Variants in EXD3 observed in about 807,000 individuals in gnomAD.
EXD3 encodes exonuclease 3'-5' domain containing 3.
In EXD3, 92 loss-of-function variants were observed where a neutral mutation model predicts 98.0. The ratio of observed to expected loss-of-function variants is 0.94; its 90% CI spans 0.79 to 1.12. EXD3 has a LOEUF of 1.12. Among genes scored for constraint, EXD3 ranks in the 50% most tolerant of loss-of-function variants. The pLI, the probability that EXD3 is intolerant of heterozygous loss-of-function variation, is 0.00. For synonymous variants in EXD3, 569 were observed against 526.0 expected, an observed-to-expected ratio of 1.08 and a Z score of -1.12; for missense variants, 1,222 against 1,191.6, an observed-to-expected ratio of 1.03 and a Z score of -0.38.
chr9:137,355,698 G>GATGGAGGAAGGAGA (rs1834724454), intron 8 of EXD3, among the ~76,000 whole-genome samples: 1 of 76,930 alleles, frequency 1.3e-5, no homozygotes, highest in African/African-American at 4.4e-5. Flanking sequence ...AGAAAGGGAG[G>GATGGAGGAAGGAGA]AAGGAGGAAG....
rs1835196576 is a variant in EXD3 at position 137,365,667 on chromosome 9, CACACACATGCACAG to C, written c.656+812_656+825del. On this transcript the variant is annotated intron_variant, in intron 7 of 21. Coordinates refer to ENST00000340951, the MANE Select transcript of EXD3 (RefSeq NM_017820.5). ...CACATACATGTACACACACCACACG[CACACACATGCACAG>C]GCACACATGCACACACGTACACACC... 1.2e-5 allele frequency: 3 copies of C among 245,538 alleles called. No individual in the cohort carries two copies. The South Asian group carries it at 1.4e-4, about 12-fold the overall frequency. The allele number at this position is 245,538 out of a possible 1,614,324, so 15.2% of individuals were successfully genotyped here. A position where few individuals can be genotyped will look rare whatever the true frequency, so the allele number is the denominator to read the frequency against.
At chr9:137,411,935 C>CA in intron 1 of EXD3, among the ~76,000 whole-genome samples, 1 of 152,318 alleles carries the variant, frequency 6.6e-6, no homozygotes, top group African/African-American at 2.4e-5. Flanking sequence ...GTGGGCCCTC[C>CA]AGGTGGGCCT....
rs181352953 is a variant in EXD3, at chr9:137,332,518, C to T, written c.1999-8375G>A. ...AGGGGAATCCCTTCAACCTGGGAGG[C>T]GGAGGTTCCAGTGAGCCGAGATTGT... On this transcript the variant is annotated intron_variant, in intron 17 of 21. Transcript: ENST00000340951. Among the ~76,000 whole-genome samples the T allele has an allele frequency of 3.3e-3, 492 of 147,898 alleles. 6 individuals are homozygous for T. Among genetic ancestry groups the T allele is most frequent in the Admixed American group, 7.8e-3 (114 of 14,572 alleles).
intron 1 of EXD3, among the ~76,000 whole-genome samples, chr9:137,413,421 T>C (rs950969480): frequency 1.3e-5 from 2 of 151,830 alleles, no homozygotes; most frequent in African/African-American, 2.4e-5. Context: ...AGGATGGTCT[T>C]GATCTCCTGA....
chr9:137,406,725 T>G (rs1837730469), intron 1 of EXD3, among the ~76,000 whole-genome samples: 2 of 152,120 alleles, frequency 1.3e-5, no homozygotes, highest in African/African-American at 4.8e-5. Context: ...GAAACTTCCC[T>G]GGGCTCTCAG....
chr9:137,408,789 C>T (rs1337054320), intron 1 of EXD3, among the ~76,000 whole-genome samples: 3 of 152,170 alleles, frequency 2.0e-5, no homozygotes, highest in Non-Finnish European at 4.4e-5. Context: ...AATGGACAGA[C>T]CCACCCTGTA....
intron 1 of EXD3, among the ~76,000 whole-genome samples, chr9:137,417,803 G>A (rs1838309654): frequency 6.6e-6 from 1 of 152,096 alleles, no homozygotes; most frequent in African/African-American, 2.4e-5. Context: ...AGGCCGTGCC[G>A]CGGGCCGGTC....
chr9:137,372,858 GC>G (rs768522671), intron 5 of EXD3, 46 bp downstream of exon 5: 2 of 1,583,708 alleles, frequency 1.3e-6, no homozygotes, highest in African/African-American at 1.3e-5. Context: ...TTGCCCCACC[GC>G]CCGAGAAGCC....
At chr9:137,327,186 T>A (rs1263322180) in intron 17 of EXD3, among the ~76,000 whole-genome samples, 1 of 148,608 alleles carries the variant, frequency 6.7e-6, no homozygotes, top group Non-Finnish European at 1.5e-5. Flanking sequence ...CAGGCTGGAG[T>A]GCAGTGGCAC....
intron 17 of EXD3, among the ~76,000 whole-genome samples, chr9:137,329,906 GGGACTACACA>G (rs1197212434): frequency 1.5e-4 from 7 of 45,746 alleles, no homozygotes; most frequent in Admixed American, 4.2e-4. Context: ...GGAGCTACAC[GGGACTACACA>G]GGACTACACA....
intron 20 of EXD3, among the ~76,000 whole-genome samples, chr9:137,308,523 G>A (rs1181078531): frequency 2.0e-5 from 3 of 152,076 alleles, no homozygotes; most frequent in Non-Finnish European, 4.4e-5. Context: ...CTTTGCGAGC[G>A]GGGGACCTGA....
In EXD3 at chr9:137,359,659, A is replaced by C. The variant is rs1834949481; in HGVS notation, c.657-3291T>G. On this transcript the variant is annotated intron_variant, in intron 7 of 21. Transcript: ENST00000340951. ...GCCAGAGATTATTTGCCCGATTTTG[A>C]ACTTGATGCAAATGGAATGATAGAA... is the stretch of plus-strand genomic sequence containing the variant. Among the ~76,000 whole-genome samples, 2 of 85,628 alleles carry C rather than the reference A, an allele frequency of 2.3e-5. 1 individual carries two copies. The highest frequency in any genetic ancestry group is 1.6e-3 in the South Asian group (2 of 1,258). The allele number at this position is 85,628 out of a possible 152,430, so 56.2% of individuals were successfully genotyped here. A position where few individuals can be genotyped will look rare whatever the true frequency, so the allele number is the denominator to read the frequency against.
In EXD3 at chr9:137,307,599, G is replaced by A. The variant is rs767802727; in HGVS notation, c.2317+9C>T. 3.7e-6 allele frequency: 6 copies of A among 1,609,514 alleles called. No individual in the cohort carries two copies. The highest frequency in any genetic ancestry group is 4.5e-5 in the East Asian group (2 of 44,858). On this transcript the variant is annotated intron_variant, in intron 21 of 21. Coordinates refer to ENST00000340951, the MANE Select transcript of EXD3 (RefSeq NM_017820.5). Reference sequence around the variant, plus strand: ...AGCTGTGTCCTTGGTGGGCGGTCCCGGGGCTCACCTGGCTCCTGCACCGCC... The same window carrying A: ...AGCTGTGTCCTTGGTGGGCGGTCCCAGGGCTCACCTGGCTCCTGCACCGCC...
intron 17 of EXD3, among the ~76,000 whole-genome samples, chr9:137,326,546 G>T (rs1316088931): frequency 2.6e-5 from 4 of 152,046 alleles, no homozygotes; most frequent in Non-Finnish European, 5.9e-5. Flanking sequence ...AAAACAGTTG[G>T]CAAAGGACTT....
intron 17 of EXD3, among the ~76,000 whole-genome samples, chr9:137,336,806 G>GT (rs1833376231): frequency 6.7e-6 from 1 of 149,836 alleles, no homozygotes. Context: ...TAGAATGAAG[G>GT]TAAAAAAGCT....
chr9:137,394,648 C>T (rs183514118), intron 2 of EXD3, among the ~76,000 whole-genome samples: 237 of 152,300 alleles, frequency 1.6e-3, no homozygotes, highest in Admixed American at 2.5e-3. Context: ...GGGAGAGAGG[C>T]TGCACCTCCC....
chr9:137,405,310 C>A lies in EXD3; in HGVS notation c.-47-9906G>T, dbSNP rs951597781. On this transcript the variant is annotated intron_variant, in intron 1 of 21. Transcript: ENST00000340951. The surrounding 1 kb of genome is among the most constrained non-coding windows in gnomAD (Gnocchi z 4.1). ...CCCAGGGCCAGAGCAGGGGCCAGAG[C>A]CCCAACCCCCGCTGCTTCCCCAACT... 6.6e-6 allele frequency among the ~76,000 whole-genome samples: 1 copy of A among 152,214 alleles called. No homozygotes were observed. Among genetic ancestry groups the A allele is most frequent in the South Asian group, 2.1e-4 (1 of 4,834 alleles).
intron 17 of EXD3, among the ~76,000 whole-genome samples, chr9:137,332,768 C>G (rs1197151135): frequency 6.6e-6 from 1 of 152,186 alleles, no homozygotes; most frequent in African/African-American, 2.4e-5. Context: ...TCCCTTGAAC[C>G]CAGGAGGCGG....
chr9:137,390,383 G>T (rs1836840546), intron 2 of EXD3, among the ~76,000 whole-genome samples: 1 of 149,994 alleles, frequency 6.7e-6, no homozygotes, highest in South Asian at 2.1e-4. Flanking sequence ...GGTGAGCCGA[G>T]ATTGTGCCAC....
Sources: gnomAD v4.1 joint callset for allele counts (sites outside exome capture counted in the v4.1 genomes callset) on GRCh38, gnomAD v4.1.1 for gene constraint, Gnocchi (gnomAD v3.1) non-coding constraint, MANE v1.5 for transcripts, NCBI Gene and HGNC (gene_info 2026-07-23, HGNC 2026-07-21) for gene names.